The following ZFPM2 variants were observed in gnomAD, a reference collection of about 807,000 sequenced individuals.
ZFPM2 encodes the protein zinc finger protein ZFPM2.
ZFPM2 carries 20 observed loss-of-function variants against 98.6 expected under a neutral mutation model. That is an observed-to-expected ratio of 0.20 (90% confidence interval 0.14 to 0.29). The LOEUF (loss-of-function observed/expected upper bound fraction) is 0.29, where lower values mean the gene tolerates loss of function less well. ZFPM2 is among the 10% of genes least tolerant of loss of function. The probability of loss-of-function intolerance (pLI) is 1.00; values close to 1 mark genes in which losing one functional copy is unlikely to be tolerated. For missense variants in ZFPM2, 1,310 were observed against 1,388.6 expected (o/e 0.94, Z 0.90); for synonymous variants, 518 against 502.7 (o/e 1.03, Z -0.41).
chr8:105,357,754 C>T (rs1219401300), intron 1 of ZFPM2, among the ~76,000 whole-genome samples: 1 of 152,124 alleles, frequency 6.6e-6, no homozygotes, highest in Non-Finnish European at 1.5e-5. Context: ...CTTTCAATAA[C>T]TGACTTTGGA....
At chr8:105,716,829 G>A (rs1421846050) in intron 5 of ZFPM2, among the ~76,000 whole-genome samples, 1 of 151,988 alleles carries the variant, frequency 6.6e-6, no homozygotes, top group Non-Finnish European at 1.5e-5. Flanking sequence ...CAACAGGGTA[G>A]TCACTTAAGG....
chr8:105,798,024 T>G (rs1813884704), intron 6 of ZFPM2: 2 of 152,282 alleles, frequency 1.3e-5, no homozygotes, highest in East Asian at 3.9e-4. Context: ...ATTTACTGTG[T>G]TAAAAAAAAA....
chr8:105,749,636 A>T (rs1335513540), intron 5 of ZFPM2, among the ~76,000 whole-genome samples: 1 of 152,018 alleles, frequency 6.6e-6, no homozygotes, highest in Non-Finnish European at 1.5e-5. Context: ...AATGACTGTT[A>T]GGTCATAACA....
At chr8:105,624,750 C>A (rs557577302) in intron 4 of ZFPM2, among the ~76,000 whole-genome samples, 13 of 152,166 alleles carry the variant, frequency 8.5e-5, no homozygotes, top group African/African-American at 2.9e-4. Flanking sequence ...TATATTCAAG[C>A]AGTGACTCAT....
chr8:105,686,973 G>A (rs1052210771), intron 5 of ZFPM2, among the ~76,000 whole-genome samples: 2 of 152,132 alleles, frequency 1.3e-5, no homozygotes, highest in Admixed American at 6.5e-5. Context: ...TTCCTTCTAC[G>A]CACACAGCTA....
intron 3 of ZFPM2, among the ~76,000 whole-genome samples, chr8:105,520,218 G>T: frequency 7.1e-6 from 1 of 141,188 alleles, no homozygotes; most frequent in East Asian, 2.0e-4. Context: ...AGAAAGGCCA[G>T]TTCCTATCTT....
intron 3 of ZFPM2, among the ~76,000 whole-genome samples, chr8:105,512,211 A>T (rs1479644170): frequency 6.6e-6 from 1 of 152,158 alleles, no homozygotes; most frequent in Non-Finnish European, 1.5e-5. Flanking sequence ...TCCTATTTAG[A>T]CTAAATGTTT....
intron 1 of ZFPM2, among the ~76,000 whole-genome samples, chr8:105,353,898 G>C (rs1021944233): frequency 1.3e-5 from 2 of 152,114 alleles, no homozygotes; most frequent in Admixed American, 6.6e-5. Context: ...TGAACTTGTA[G>C]TATGTTTTAA....
intron 5 of ZFPM2, among the ~76,000 whole-genome samples, chr8:105,733,982 AGAT>A (rs1812010626): frequency 1.3e-5 from 2 of 151,908 alleles, no homozygotes; most frequent in Admixed American, 1.3e-4. Context: ...GAGGGAAAGA[AGAT>A]CATTCTGCCA....
At chr8:105,382,232 A>G (rs532834687) in intron 1 of ZFPM2, among the ~76,000 whole-genome samples, 20 of 152,036 alleles carry the variant, frequency 1.3e-4, no homozygotes, top group Non-Finnish European at 2.4e-4. Flanking sequence ...ATTTCCTGAC[A>G]CCATCCTTCT....
chr8:105,764,286 TGACACA>T (rs1355950834), intron 5 of ZFPM2, among the ~76,000 whole-genome samples: 3 of 90,524 alleles, frequency 3.3e-5, no homozygotes, highest in East Asian at 2.6e-4. Context: ...TCTCTCTCTC[TGACACA>T]CACACACACA....
chr8:105,653,635 G>A (rs961273014), intron 5 of ZFPM2, among the ~76,000 whole-genome samples: 10 of 152,136 alleles, frequency 6.6e-5, no homozygotes, highest in Admixed American at 5.2e-4. Flanking sequence ...CCAGGGTCTA[G>A]TGATTACTGA....
Position 105,340,843 on chromosome 8 carries a change from A to G in ZFPM2, c.40+21862A>G, listed in dbSNP as rs1340550912. On this transcript the variant is annotated intron_variant, in intron 1 of 7. Transcript: ENST00000407775. Reference sequence around the variant, plus strand: ...ATGTGCAATGCAATTTCAGATTGGCATAAGTATACGAAGAAAATAAAATAG... The same window carrying G: ...ATGTGCAATGCAATTTCAGATTGGCGTAAGTATACGAAGAAAATAAAATAG... 2.0e-5 allele frequency among the ~76,000 whole-genome samples: 3 copies of G among 152,084 alleles called. 1 individual carries two copies. The highest frequency in any genetic ancestry group is 4.8e-5 in the African/African-American group (2 of 41,546).
intron 1 of ZFPM2, among the ~76,000 whole-genome samples, chr8:105,373,069 T>C (rs2129824685): frequency 6.6e-6 from 1 of 152,308 alleles, no homozygotes; most frequent in Admixed American, 6.5e-5. Context: ...CTTTAAGGAT[T>C]TGTAAAACAA....
chr8:105,354,190 C>G (rs1169887480), intron 1 of ZFPM2, among the ~76,000 whole-genome samples: 1 of 152,086 alleles, frequency 6.6e-6, no homozygotes, highest in Non-Finnish European at 1.5e-5. Context: ...TTAAAATATT[C>G]AAATATGCCG....
chr8:105,764,870 C>T (rs1812823051), intron 5 of ZFPM2, among the ~76,000 whole-genome samples: 1 of 151,738 alleles, frequency 6.6e-6, no homozygotes, highest in East Asian at 1.9e-4. Context: ...AAGTCCAATT[C>T]AGAACCCCTA....
At chr8:105,581,199 G>A (rs1815589300) in intron 4 of ZFPM2, among the ~76,000 whole-genome samples, 1 of 151,686 alleles carries the variant, frequency 6.6e-6, no homozygotes, top group South Asian at 2.1e-4. Flanking sequence ...TTTAAAAAAG[G>A]CATCCTAAAG....
intron 5 of ZFPM2, among the ~76,000 whole-genome samples, chr8:105,696,770 G>A (rs1371562398): frequency 2.6e-5 from 4 of 151,958 alleles, no homozygotes; most frequent in African/African-American, 9.7e-5. Context: ...ATAAATAATA[G>A]CATTATTTCT....
rs111389236 is a variant in ZFPM2 at position 105,797,541 on chromosome 8, A to C, written c.740-1183A>C. On this transcript the variant is annotated intron_variant, in intron 6 of 7. Coordinates refer to ENST00000407775, the MANE Select transcript of ZFPM2 (RefSeq NM_012082.4). ...TTAAGACAAAATCTAAAACTTGTTGAGAGTCTGCAATTCTTTCACAGTCTA... is the reference window on the plus strand; with the variant it reads ...TTAAGACAAAATCTAAAACTTGTTGCGAGTCTGCAATTCTTTCACAGTCTA... 9.0e-3 allele frequency among the ~76,000 whole-genome samples: 1,372 copies of C among 152,286 alleles called. 20 individuals are homozygous for C. The highest frequency in any genetic ancestry group is 0.03 in the African/African-American group (1,266 of 41,548).
Sources: gnomAD v4.1 joint callset for allele counts (sites outside exome capture counted in the v4.1 genomes callset) on GRCh38, gnomAD v4.1.1 for gene constraint, MANE v1.5 for transcripts, NCBI Gene and HGNC (gene_info 2026-07-23, HGNC 2026-07-21) for gene names.